CDH12: variants seen among roughly 807,000 people sequenced by gnomAD.
CDH12 encodes cadherin 12.
In CDH12, 41 loss-of-function variants were observed where a neutral mutation model predicts 74.1. That is an observed-to-expected ratio of 0.55 (90% CI 0.43 to 0.72). CDH12 has a LOEUF of 0.72. Ranked by LOEUF, CDH12 falls within the 30% of genes least tolerant of loss-of-function variation. CDH12 has a pLI of 0.00. For synonymous variants in CDH12, 399 were observed against 355.0 expected (o/e 1.12, Z -1.39); for missense variants, 945 against 977.2 (o/e 0.97, Z 0.44).
At chr5:22,606,489 T>C (rs1737125399) in intron 1 of CDH12, among the ~76,000 whole-genome samples, 1 of 152,178 alleles carries the variant, frequency 6.6e-6, no homozygotes, top group Non-Finnish European at 1.5e-5. Context: ...GCTGTTCTCA[T>C]GATAGTGAGT....
At chr5:22,073,228 A>G (rs754126013) in intron 5 of CDH12, among the ~76,000 whole-genome samples, 50 of 152,262 alleles carry the variant, frequency 3.3e-4, no homozygotes, top group Non-Finnish European at 3.8e-4. Flanking sequence ...TAGGGTTTAT[A>G]TATGTTTTAC....
intron 1 of CDH12, among the ~76,000 whole-genome samples, chr5:22,600,303 T>C (rs1405758578): frequency 6.6e-6 from 1 of 152,186 alleles, no homozygotes; most frequent in Non-Finnish European, 1.5e-5. Flanking sequence ...TGAATACTAT[T>C]GTCCAGTTCC....
chr5:22,100,417 T>A (rs953284514), intron 4 of CDH12, among the ~76,000 whole-genome samples: 16 of 152,160 alleles, frequency 1.1e-4, no homozygotes, highest in African/African-American at 3.9e-4. Context: ...AGAGAAACAT[T>A]TAGTAAGCAG....
At chr5:21,943,900 G>T (rs1205557888) in intron 6 of CDH12, among the ~76,000 whole-genome samples, 1 of 152,020 alleles carries the variant, frequency 6.6e-6, no homozygotes, top group East Asian at 1.9e-4. Context: ...ATGGGCCCCT[G>T]CAAATGAGCA....
intron 1 of CDH12, among the ~76,000 whole-genome samples, chr5:22,570,828 C>T (rs1050793769): frequency 5.3e-5 from 8 of 151,350 alleles, no homozygotes; most frequent in African/African-American, 1.9e-4. Flanking sequence ...ACATCTTCTT[C>T]CTTTATAAGA....
chr5:21,928,220 C>T (rs923368338), intron 6 of CDH12, among the ~76,000 whole-genome samples: 1 of 151,822 alleles, frequency 6.6e-6, no homozygotes, highest in Non-Finnish European at 1.5e-5. Flanking sequence ...TGGAGAGAGA[C>T]CTAGAGCGGG....
At chr5:22,039,774 G>T (rs940102042) in intron 5 of CDH12, among the ~76,000 whole-genome samples, 1 of 152,082 alleles carries the variant, frequency 6.6e-6, no homozygotes, top group Non-Finnish European at 1.5e-5. Flanking sequence ...TACTTGAAAT[G>T]AGTCACCATG....
chr5:22,177,002 A>G (rs7708576), intron 4 of CDH12, among the ~76,000 whole-genome samples: 6,240 of 152,178 alleles, frequency 0.041, 430 homozygotes, highest in African/African-American at 0.14. Flanking sequence ...GCATATGCTC[A>G]TATCTGCTAC....
chr5:22,152,375 T>C (rs1051940236), intron 4 of CDH12: 1 of 152,202 alleles, frequency 6.6e-6, no homozygotes, highest in Non-Finnish European at 1.5e-5. Flanking sequence ...CTCTGTTTTA[T>C]AGAAGTGTGA....
intron 3 of CDH12, among the ~76,000 whole-genome samples, chr5:22,332,032 C>T (rs563436714): frequency 6.6e-6 from 1 of 151,984 alleles, no homozygotes; most frequent in Non-Finnish European, 1.5e-5. Context: ...TTCAAAAGGG[C>T]AAATCTAAGA....
chr5:22,213,450 G>T (rs1207523786), intron 3 of CDH12: 6 of 151,750 alleles, frequency 4.0e-5, no homozygotes, highest in Non-Finnish European at 7.4e-5. Flanking sequence ...TCATCTCTTT[G>T]ATTATCTGTT....
intron 6 of CDH12, among the ~76,000 whole-genome samples, chr5:21,899,004 A>G (rs1753260381): frequency 6.6e-6 from 1 of 152,146 alleles, no homozygotes; most frequent in African/African-American, 2.4e-5. Flanking sequence ...GGAAAACTTT[A>G]CTTTTCACCT....
chr5:22,762,655 C>G (rs1280336921), intron 1 of CDH12, among the ~76,000 whole-genome samples: 2 of 152,014 alleles, frequency 1.3e-5, no homozygotes, highest in Non-Finnish European at 2.9e-5. Flanking sequence ...TTGACTTAAT[C>G]ATTTGTTTCA....
chr5:21,793,640 G>A (rs1746623602), intron 10 of CDH12, among the ~76,000 whole-genome samples: 1 of 151,580 alleles, frequency 6.6e-6, no homozygotes, highest in African/African-American at 2.4e-5. Context: ...TTTATGTAGA[G>A]CTGCTTACCA....
At chr5:22,342,996 A>C (rs1315758648) in intron 3 of CDH12, among the ~76,000 whole-genome samples, 1 of 152,088 alleles carries the variant, frequency 6.6e-6, no homozygotes, top group East Asian at 1.9e-4. Context: ...CTGGGATTAC[A>C]GGAGCCAACC....
chr5:22,594,745 A>T (rs1395431294), intron 1 of CDH12, among the ~76,000 whole-genome samples: 1 of 152,142 alleles, frequency 6.6e-6, no homozygotes, highest in East Asian at 1.9e-4. Context: ...CTTTATGGGG[A>T]CGAAATGATT....
At chr5:21,825,618 C>T (rs578103207) in intron 8 of CDH12, among the ~76,000 whole-genome samples, 1 of 152,254 alleles carries the variant, frequency 6.6e-6, no homozygotes, top group East Asian at 1.9e-4. Flanking sequence ...GCCTACTTAA[C>T]AACCACTCCA....
intron 2 of CDH12, among the ~76,000 whole-genome samples, chr5:22,453,578 G>GAA (rs1745138722): frequency 6.6e-6 from 1 of 152,066 alleles, no homozygotes; most frequent in Admixed American, 6.6e-5. Context: ...CCAGAGGCAG[G>GAA]GGTAGAGAGG....
chr5:22,586,343 T>TG (rs1211899878), intron 1 of CDH12, among the ~76,000 whole-genome samples: 1 of 150,956 alleles, frequency 6.6e-6, no homozygotes. Context: ...TGTTGTGGGG[T>TG]GGGGGGAGTG....
Sources: gnomAD v4.1 joint callset for allele counts (sites outside exome capture counted in the v4.1 genomes callset) on GRCh38, gnomAD v4.1.1 for gene constraint, MANE v1.5 for transcripts, NCBI Gene and HGNC (gene_info 2026-07-23, HGNC 2026-07-21) for gene names.